ARL15: variants seen among roughly 807,000 people sequenced by gnomAD.
ARL15 encodes ADP-ribosylation factor-like protein 15.
Under a neutral mutation model 25.2 loss-of-function variants are expected in ARL15, and 19 were observed. The ratio of observed to expected loss-of-function variants is 0.75; its 90% CI spans 0.53 to 1.10. ARL15 has a LOEUF of 1.10. ARL15 is among the 50% of genes least tolerant of loss of function. The pLI is 0.00. For synonymous variants in ARL15, 94 were observed against 86.8 expected, an observed-to-expected ratio of 1.08 and a Z score of -0.46; for missense variants, 220 against 246.0, an observed-to-expected ratio of 0.89 and a Z score of 0.71.
chr5:54,243,384 G>A (rs1182639838), intron 1 of ARL15, among the ~76,000 whole-genome samples: 3 of 152,080 alleles, frequency 2.0e-5, no homozygotes, highest in Admixed American at 6.5e-5. Flanking sequence ...GAAATTATCC[G>A]CCCTTTGTAT....
At chr5:54,304,426 C>A (rs77858140) in intron 1 of ARL15, among the ~76,000 whole-genome samples, 1 of 152,202 alleles carries the variant, frequency 6.6e-6, no homozygotes, top group Non-Finnish European at 1.5e-5. Context: ...CTCTCACCCC[C>A]GACCTGAGCA....
At chr5:54,205,433 G>C (rs1235647421) in intron 1 of ARL15, among the ~76,000 whole-genome samples, 3 of 152,164 alleles carry the variant, frequency 2.0e-5, no homozygotes, top group Non-Finnish European at 4.4e-5. Context: ...AGGTATTCCA[G>C]CTAGTTTGTT....
intron 4 of ARL15, among the ~76,000 whole-genome samples, chr5:54,033,719 G>A (rs968786682): frequency 1.3e-5 from 2 of 151,548 alleles, no homozygotes; most frequent in Non-Finnish European, 2.9e-5. Flanking sequence ...TTTTAGAGTT[G>A]TTGAATATTT....
chr5:54,282,456 T>C, intron 1 of ARL15: 1 of 985,448 alleles, frequency 1.0e-6, no homozygotes, highest in East Asian at 1.1e-4. Context: ...TATGAGGAAG[T>C]GGCTGAATTT....
chr5:54,209,473 C>T (rs1755974153), intron 1 of ARL15, among the ~76,000 whole-genome samples: 1 of 152,000 alleles, frequency 6.6e-6, no homozygotes, highest in African/African-American at 2.4e-5. Flanking sequence ...ATAATAAGTT[C>T]TATAAGATTA....
intron 4 of ARL15, among the ~76,000 whole-genome samples, chr5:54,057,498 T>C (rs1750915048): frequency 6.6e-6 from 1 of 152,208 alleles, no homozygotes; most frequent in Non-Finnish European, 1.5e-5. Context: ...ACATTATAAA[T>C]GAAGTAGTAG....
chr5:53,978,258 T>C (rs1748006990), intron 4 of ARL15, among the ~76,000 whole-genome samples: 1 of 152,210 alleles, frequency 6.6e-6, no homozygotes. Flanking sequence ...AATCACATGG[T>C]ATTCACATAT....
intron 1 of ARL15, among the ~76,000 whole-genome samples, chr5:54,206,637 A>G (rs1755877373): frequency 6.6e-6 from 1 of 152,218 alleles, no homozygotes; most frequent in Non-Finnish European, 1.5e-5. Context: ...AGCCAGACAA[A>G]AAAAATGAGG....
intron 4 of ARL15, among the ~76,000 whole-genome samples, chr5:53,894,589 GCA>G (rs1347201178): frequency 6.6e-6 from 1 of 152,068 alleles, no homozygotes; most frequent in Non-Finnish European, 1.5e-5. Context: ...ACTATGAGAG[GCA>G]CAGTTATGTA....
At chr5:53,912,230 G>A (rs529211777) in intron 4 of ARL15, 1 of 152,110 alleles carries the variant, frequency 6.6e-6, no homozygotes, top group African/African-American at 2.4e-5. Flanking sequence ...CTAGGACACC[G>A]AAGCTTAGAC....
intron 1 of ARL15, among the ~76,000 whole-genome samples, chr5:54,263,147 T>A (rs987967479): frequency 2.0e-5 from 3 of 152,228 alleles, no homozygotes; most frequent in Middle Eastern, 3.4e-3. Context: ...GTTTTTTTTT[T>A]AAAGTATAAT....
intron 4 of ARL15, among the ~76,000 whole-genome samples, chr5:54,066,380 T>C (rs1319828333): frequency 6.6e-6 from 1 of 152,194 alleles, no homozygotes; most frequent in African/African-American, 2.4e-5. Flanking sequence ...AGAATTAATA[T>C]AAAAGTGCTA....
intron 4 of ARL15, among the ~76,000 whole-genome samples, chr5:53,982,903 T>C (rs144674935): frequency 0.011 from 1,724 of 152,296 alleles, 30 homozygotes; most frequent in African/African-American, 0.04. Context: ...TGGTATCTCG[T>C]TGTGGTTTTG....
chr5:54,153,800 T>C (rs1416844619), intron 3 of ARL15, among the ~76,000 whole-genome samples: 104 of 152,198 alleles, frequency 6.8e-4, no homozygotes, highest in African/African-American at 2.4e-3. Context: ...TAGGTCACAG[T>C]TAGAATGACC....
intron 1 of ARL15, among the ~76,000 whole-genome samples, chr5:54,303,453 G>C (rs1392885384): frequency 2.6e-5 from 4 of 152,112 alleles, no homozygotes; most frequent in South Asian, 2.1e-4. Flanking sequence ...AGAGGTTGCA[G>C]TGAGCTGAGA....
At chr5:53,967,254 A>T (rs1292458323) in intron 4 of ARL15, among the ~76,000 whole-genome samples, 1 of 152,218 alleles carries the variant, frequency 6.6e-6, no homozygotes, top group Non-Finnish European at 1.5e-5. Context: ...GCTTTAATTT[A>T]AAGCTGGCTT....
rs1744469229 is a variant in ARL15, at chr5:53,884,933, G to T, written c.*1628C>A. 1 of 152,046 alleles carries T rather than the reference G, an allele frequency of 6.6e-6. No individual in the cohort carries two copies. Among genetic ancestry groups the T allele is most frequent in the South Asian group, 2.1e-4 (1 of 4,820 alleles). 9.4% of individuals were successfully genotyped at this position (152,046 alleles called of 1,614,324 possible). The stretch of plus-strand genomic sequence containing the variant: ...ATTCAAGAATGCTGCAGACAAAATT[G>T]TATACGAATCACTATGTATCCTTCC... On this transcript the variant is annotated 3_prime_UTR_variant, in exon 5 of 5. Transcript: ENST00000504924.
chr5:54,128,030 T>A (rs998121134), intron 3 of ARL15, among the ~76,000 whole-genome samples: 6 of 152,188 alleles, frequency 3.9e-5, no homozygotes, highest in African/African-American at 1.4e-4. Context: ...AAGATGGAGC[T>A]AATAAACTTC....
chr5:54,159,040 C>T (rs778150626), intron 2 of ARL15, among the ~76,000 whole-genome samples: 10 of 152,098 alleles, frequency 6.6e-5, no homozygotes, highest in Admixed American at 6.5e-4. Context: ...AAAATACACA[C>T]GTGCCTAATA....
Sources: gnomAD v4.1 joint callset for allele counts (sites outside exome capture counted in the v4.1 genomes callset) on GRCh38, gnomAD v4.1.1 for gene constraint, MANE v1.5 for transcripts, NCBI Gene and HGNC (gene_info 2026-07-23, HGNC 2026-07-21) for gene names.